Variants in HEATR5B observed in about 807,000 individuals in gnomAD.
HEATR5B encodes the protein HEAT repeat containing 5B.
In HEATR5B, 156 loss-of-function variants were observed where a neutral mutation model predicts 224.1. The ratio of observed to expected loss-of-function variants is 0.70; its 90% CI spans 0.61 to 0.80. The LOEUF (loss-of-function observed/expected upper bound fraction) is 0.80, where lower values mean the gene tolerates loss of function less well. Among genes scored for constraint, HEATR5B ranks in the 30% least tolerant of loss-of-function variants. HEATR5B has a pLI of 0.00. For missense variants in HEATR5B, 2,323 were observed against 2,535.5 expected, an observed-to-expected ratio of 0.92 and a Z score of 1.80; for synonymous variants, 1,027 against 893.0, an observed-to-expected ratio of 1.15 and a Z score of -2.68.
intron 18 of HEATR5B, among the ~76,000 whole-genome samples, chr2:37,045,612 T>A (rs1670142331): frequency 6.6e-6 from 1 of 152,232 alleles, no homozygotes; most frequent in Non-Finnish European, 1.5e-5. Context: ...TTTCCTTGTA[T>A]TCTGCACATA....
At chr2:37,014,051 T>A (rs1667958901) in intron 26 of HEATR5B, 31 bp from the exon 27 acceptor site, 2 of 1,266,290 alleles carry the variant, frequency 1.6e-6, no homozygotes, top group Admixed American at 2.5e-5. Context: ...AACTTTTGTG[T>A]AAAAAAAATT....
At chr2:36,995,896 A>AT (rs1666668664) in intron 33 of HEATR5B, among the ~76,000 whole-genome samples, 1 of 152,010 alleles carries the variant, frequency 6.6e-6, no homozygotes, top group Admixed American at 6.6e-5. Flanking sequence ...GTATGCTTCT[A>AT]TTTTTTGGAG....
intron 2 of HEATR5B, among the ~76,000 whole-genome samples, chr2:37,080,216 T>C (rs1023109777): frequency 2.0e-4 from 30 of 152,000 alleles, no homozygotes; most frequent in Admixed American, 1.7e-3. Context: ...AGGTAATCTC[T>C]TGCACCCCAC....
chr2:37,049,964 C>T, intron 17 of HEATR5B, 121 bp from the exon 18 acceptor site: 1 of 945,190 alleles, frequency 1.1e-6, no homozygotes, highest in Non-Finnish European at 1.5e-6. Flanking sequence ...AATCACTGCT[C>T]ACTACAGCCT....
In HEATR5B at chr2:37,060,693, T is replaced by A; in HGVS notation, c.1737A>T (p.Leu579Phe). 1.2e-6 allele frequency: 2 copies of A among 1,613,874 alleles called. No individual in the cohort carries two copies. Among genetic ancestry groups the A allele is most frequent in the Non-Finnish European group, 1.7e-6 (2 of 1,179,898 alleles). Residue 579 changes from leucine to phenylalanine, a missense_variant, in exon 12 of 36, where the codon TTA becomes TTT. By Grantham distance (22) the Leu-to-Phe change is conservative (BLOSUM62 0). Coordinates refer to ENST00000233099, the MANE Select transcript of HEATR5B (RefSeq NM_019024.3). ...VVRYHLPKML[L>F]LWRNVFPRSL... is the part of the protein sequence containing the mutation. Reference sequence around the variant, plus strand: ...AACGTGGGAAAACATTTCGCCACAATAACAACATCTTGGGCAGATGGTAAC... The same window carrying A: ...AACGTGGGAAAACATTTCGCCACAAAAACAACATCTTGGGCAGATGGTAAC...
chr2:37,048,859 C>A (rs993136059), intron 18 of HEATR5B, among the ~76,000 whole-genome samples: 1 of 152,106 alleles, frequency 6.6e-6, no homozygotes. Context: ...TACAGATAGG[C>A]AATAATTCAG....
chr2:37,072,315 T>G lies in HEATR5B; in HGVS notation c.598-34A>C, dbSNP rs761426686. The G allele has an allele frequency of 5.5e-6, 8 of 1,458,264 alleles. No homozygotes were observed. In the Admixed American group the frequency reaches 1.2e-4, roughly 23 times the overall value. 90.3% of individuals were successfully genotyped at this position (1,458,264 alleles called of 1,614,324 possible). A position where few individuals can be genotyped will look rare whatever the true frequency, so the allele number is the denominator to read the frequency against. ...AAAAACAAAAAAGTAAATAACATCC[T>G]ATAACATCTGCTTCCAGAGATGGAA... is the stretch of plus-strand genomic sequence containing the variant. On this transcript the variant is annotated intron_variant, in intron 5 of 35. Transcript: ENST00000233099.
At chr2:37,018,765 G>C (rs187253754) in intron 26 of HEATR5B, among the ~76,000 whole-genome samples, 5 of 152,246 alleles carry the variant, frequency 3.3e-5, no homozygotes, top group African/African-American at 1.2e-4. Flanking sequence ...TAGGTAAGGA[G>C]ACAAATAAAC....
intron 8 of HEATR5B, 22 bp from the exon 9 acceptor site, chr2:37,065,932 T>G: frequency 6.3e-7 from 1 of 1,591,134 alleles, no homozygotes; most frequent in Non-Finnish European, 8.6e-7. Context: ...AAATCATGTC[T>G]TTGACATAGG....
intron 12 of HEATR5B, among the ~76,000 whole-genome samples, chr2:37,060,168 A>G (rs1413706349): frequency 6.6e-6 from 1 of 152,244 alleles, no homozygotes; most frequent in African/African-American, 2.4e-5. Context: ...AAGGATGTGA[A>G]AAAACAGCTG....
chr2:36,998,417 G>A lies in HEATR5B; in HGVS notation c.5545+2169C>T, dbSNP rs116766786. 7.0e-3 allele frequency among the ~76,000 whole-genome samples: 1,066 copies of A among 152,276 alleles called. 12 individuals carry two copies. Among genetic ancestry groups the A allele is most frequent in the African/African-American group, 0.025 (1,020 of 41,552 alleles). On this transcript the variant is annotated intron_variant, in intron 33 of 35. Transcript: ENST00000233099. The stretch of plus-strand genomic sequence containing the variant: ...AATATCAAATACTGGTGAGAATGTG[G>A]GAAAATACAGATTATCATGCTCTGC...
At chr2:37,019,263 C>T (rs1271218077) in intron 26 of HEATR5B, among the ~76,000 whole-genome samples, 3 of 151,868 alleles carry the variant, frequency 2.0e-5, no homozygotes, top group Non-Finnish European at 4.4e-5. Flanking sequence ...AATGAAATGT[C>T]TATATTGTGA....
In HEATR5B at chr2:37,064,779, T is replaced by C. The variant is rs774158627; in HGVS notation, c.1545A>G (p.Val515=). ...SFAMAALLGG[V]HQCPLGIPHA... ...GAGGAATGCCCAAAGGACACTGATG[T>C]ACTCCACCTAACAAAGCAGCCATTG... is the stretch of plus-strand genomic sequence containing the variant. Residue 515 remains valine (V), a synonymous_variant, in exon 10 of 36, where the codon GTA becomes GTG. Coordinates refer to ENST00000233099, the MANE Select transcript of HEATR5B (RefSeq NM_019024.3). 4 of 1,613,962 alleles carry C rather than the reference T, an allele frequency of 2.5e-6. No homozygotes were observed. Among genetic ancestry groups the C allele is most frequent in the African/African-American group, 2.7e-5 (2 of 74,918 alleles).
At chr2:37,017,496 C>T (rs1668192718) in intron 26 of HEATR5B, among the ~76,000 whole-genome samples, 1 of 151,410 alleles carries the variant, frequency 6.6e-6, no homozygotes, top group African/African-American at 2.4e-5. Flanking sequence ...ACCAGCCTGG[C>T]CAACATGATG....
At chr2:37,000,320 C>T (rs767860526) in intron 33 of HEATR5B, among the ~76,000 whole-genome samples, 1 of 152,088 alleles carries the variant, frequency 6.6e-6, no homozygotes, top group Non-Finnish European at 1.5e-5. Flanking sequence ...CAGGTATCTG[C>T]CCACCTTGGC....
chr2:36,997,917 T>G (rs1666838151), intron 33 of HEATR5B, among the ~76,000 whole-genome samples: 3 of 152,268 alleles, frequency 2.0e-5, no homozygotes, highest in Admixed American at 2.0e-4. Flanking sequence ...TTTGTTTTCC[T>G]GTTTAAAACA....
chr2:36,987,330 G>A (rs573795640), intron 35 of HEATR5B, among the ~76,000 whole-genome samples: 240 of 152,028 alleles, frequency 1.6e-3, no homozygotes, highest in African/African-American at 5.4e-3. Flanking sequence ...TCAGGAGGCT[G>A]AGGCAGGAGA....
At chr2:37,014,854 GTGTC>G (rs1199405726) in intron 26 of HEATR5B, among the ~76,000 whole-genome samples, 1 of 151,960 alleles carries the variant, frequency 6.6e-6, no homozygotes, top group African/African-American at 2.4e-5. Context: ...ATGGTGGCGT[GTGTC>G]TGTAATCCCA....
At chr2:37,051,609 C>T (rs1305251334) in intron 17 of HEATR5B, among the ~76,000 whole-genome samples, 1 of 152,136 alleles carries the variant, frequency 6.6e-6, no homozygotes, top group Non-Finnish European at 1.5e-5. Context: ...CACTACTCTC[C>T]CAATCACTGA....
Sources: gnomAD v4.1 joint callset for allele counts (sites outside exome capture counted in the v4.1 genomes callset) on GRCh38, gnomAD v4.1.1 for gene constraint, MANE v1.5 for transcripts, NCBI Gene and HGNC (gene_info 2026-07-23, HGNC 2026-07-21) for gene names.